Variants in HDLBP observed in about 807,000 individuals in gnomAD.
HDLBP encodes the protein high density lipoprotein binding protein, also known as vigilin.
HDLBP carries 30 observed loss-of-function variants against 137.3 expected under a neutral mutation model. That is an observed-to-expected ratio of 0.22 (90% confidence interval 0.16 to 0.30). The LOEUF (loss-of-function observed/expected upper bound fraction) is 0.30, where lower values mean the gene tolerates loss of function less well. HDLBP is among the 10% of genes least tolerant of loss of function. The probability of loss-of-function intolerance (pLI) is 1.00; values close to 1 mark genes in which losing one functional copy is unlikely to be tolerated. For synonymous variants in HDLBP, 606 were observed against 596.0 expected, an observed-to-expected ratio of 1.02 and a Z score of -0.24; for missense variants, 1,119 against 1,667.3, an observed-to-expected ratio of 0.67 and a Z score of 5.73.
intron 3 of HDLBP, among the ~76,000 whole-genome samples, chr2:241,265,061 C>G (rs1381596190): frequency 6.6e-6 from 1 of 152,232 alleles, no homozygotes; most frequent in Non-Finnish European, 1.5e-5. Flanking sequence ...TACCCAGCAC[C>G]ACCTGTGAGA....
At chr2:241,266,314 A>G (rs923998023) in intron 3 of HDLBP, among the ~76,000 whole-genome samples, 3 of 152,296 alleles carry the variant, frequency 2.0e-5, no homozygotes, top group South Asian at 2.1e-4. Context: ...TTCCCTTTTA[A>G]TAAGTACCAG....
At chr2:241,306,987 AC>A (rs199904674) in intron 1 of HDLBP, among the ~76,000 whole-genome samples, 63,591 of 127,006 alleles carry the variant, frequency 0.5, 16,183 homozygotes, top group East Asian at 0.77. Context: ...AAAAAAAAAA[AC>A]GAGGAAAAGC....
chr2:241,229,367 T>A lies in HDLBP; in HGVS notation c.*234A>T. ...CTGGAGTCTGTTATCTTAGCACGAA[T>A]GCTCATGACCTTGGTTTAGTGTTAA... On this transcript the variant is annotated 3_prime_UTR_variant, in exon 28 of 28. Transcript: ENST00000310931. 1 of 460,192 alleles carries A rather than the reference T, an allele frequency of 2.2e-6. No individual in the cohort carries two copies. Among genetic ancestry groups the A allele is most frequent in the Non-Finnish European group, 4.0e-6 (1 of 250,154 alleles). 28.5% of individuals were successfully genotyped at this position (460,192 alleles called of 1,614,324 possible).
At chr2:241,254,523 C>A (rs550650233) in intron 9 of HDLBP, among the ~76,000 whole-genome samples, 1 of 148,884 alleles carries the variant, frequency 6.7e-6, no homozygotes, top group East Asian at 2.0e-4. Context: ...CTCGCTCTGT[C>A]GCCAAGGCTG....
At position 241,229,400 on chromosome 2, in the gene HDLBP, A is replaced by G. The variant is rs530682380; in HGVS notation, c.*201T>C. The G allele has an allele frequency of 9.4e-6, 5 of 530,718 alleles. No individual in the cohort carries two copies. In the East Asian group the frequency reaches 1.3e-4, roughly 14 times the overall value. 32.9% of individuals were successfully genotyped at this position (530,718 alleles called of 1,614,324 possible). A position where few individuals can be genotyped will look rare whatever the true frequency, so the allele number is the denominator to read the frequency against. On this transcript the variant is annotated 3_prime_UTR_variant, in exon 28 of 28. Coordinates refer to ENST00000310931, the MANE Select transcript of HDLBP (RefSeq NM_005336.6). ...ACCTTGGTTTAGTGTTAAACAGTGG[A>G]GCAGGTCCTGAGCGGGCACGGCCAG...
intron 3 of HDLBP, among the ~76,000 whole-genome samples, chr2:241,265,989 A>G (rs2073642160): frequency 6.6e-6 from 1 of 152,208 alleles, no homozygotes; most frequent in African/African-American, 2.4e-5. Flanking sequence ...TTAATTTTAT[A>G]TTTTAATTAA....
intron 1 of HDLBP, among the ~76,000 whole-genome samples, chr2:241,286,946 CAA>C (rs34791807): frequency 9.4e-5 from 12 of 128,132 alleles, no homozygotes; most frequent in Non-Finnish European, 1.1e-4. Flanking sequence ...ACCCTGTTTC[CAA>C]AAAAAAAAAA....
chr2:241,281,212 G>A (rs903135280), intron 1 of HDLBP, among the ~76,000 whole-genome samples: 2 of 152,164 alleles, frequency 1.3e-5, no homozygotes, highest in Non-Finnish European at 1.5e-5. Flanking sequence ...AAATTACTCG[G>A]GCTTGGGGGT....
chr2:241,232,237 G>A (rs1165745190), intron 24 of HDLBP, among the ~76,000 whole-genome samples: 1 of 151,864 alleles, frequency 6.6e-6, no homozygotes, highest in Non-Finnish European at 1.5e-5. Context: ...CTTGGCTCAT[G>A]GTGTATTAGA....
chr2:241,280,667 A>C (rs551357036), intron 1 of HDLBP, among the ~76,000 whole-genome samples: 1 of 152,220 alleles, frequency 6.6e-6, no homozygotes, highest in South Asian at 2.1e-4. Context: ...TATAAAGAAC[A>C]CCAAACTTGT....
chr2:241,247,270 T>C (rs2071753912), intron 14 of HDLBP, 128 bp from the exon 15 acceptor site: 2 of 669,766 alleles, frequency 3.0e-6, no homozygotes, highest in East Asian at 2.7e-5. Flanking sequence ...CTTCAGAGGT[T>C]TGTCATGAGG....
At chr2:241,277,877 C>G (rs993092697) in intron 1 of HDLBP, among the ~76,000 whole-genome samples, 6 of 152,110 alleles carry the variant, frequency 3.9e-5, no homozygotes, top group Non-Finnish European at 7.4e-5. Flanking sequence ...AGGAGAATCG[C>G]TTGTACCTGG....
chr2:241,264,617 A>G lies in HDLBP; in HGVS notation c.77-12T>C. 1.2e-6 allele frequency: 2 copies of G among 1,612,146 alleles called. No individual in the cohort carries two copies. Among genetic ancestry groups the G allele is most frequent in the Non-Finnish European group, 1.7e-6 (2 of 1,178,860 alleles). ...ATTTAGAGTGGCAACTGGACCAGCC[A>G]ACACAGATTAAAAGGAAGCACTACT... On this transcript the variant is annotated splice_polypyrimidine_tract_variant and intron_variant, in intron 3 of 27. Transcript: ENST00000310931.
At chr2:241,258,216 A>G (rs530372886) in intron 5 of HDLBP, among the ~76,000 whole-genome samples, 139 of 152,090 alleles carry the variant, frequency 9.1e-4, no homozygotes, top group Admixed American at 1.8e-3. Flanking sequence ...GCATGGTGGC[A>G]GGCGCCTGTA....
At chr2:241,298,274 G>A (rs1028591645) in intron 1 of HDLBP, among the ~76,000 whole-genome samples, 1 of 152,026 alleles carries the variant, frequency 6.6e-6, no homozygotes, top group Non-Finnish European at 1.5e-5. Flanking sequence ...ACTGAGGCAG[G>A]AGAATCGCTT....
chr2:241,298,569 T>C (rs933104870), intron 1 of HDLBP, among the ~76,000 whole-genome samples: 4 of 152,164 alleles, frequency 2.6e-5, no homozygotes, highest in African/African-American at 9.7e-5. Context: ...GTTGAGATAG[T>C]TGAGATAACT....
chr2:241,235,122 C>T lies in HDLBP; in HGVS notation c.3143G>A (p.Arg1048Gln), dbSNP rs1242223092. The change falls in exon 23 of 28, where the codon CGG becomes CAG. Residue 1048 changes from arginine (R) to glutamine (Q), a missense_variant and splice_region_variant. Arg to Gln is a conservative substitution (Grantham distance 43). This residue lies in a region of HDLBP where 618 missense variants were observed against 816.7 expected (regional missense o/e 0.76). Transcript: ENST00000310931. ...GTGCCCCGGCCACCTCCTGCTCACC[C>T]GGTCCTCCTGCTCGGCCTGTAGCTC... ...VKELQAEQED[R>Q]ALRSFKLSVT... is the part of the protein sequence containing the mutation. 4.3e-6 allele frequency: 7 copies of T among 1,612,472 alleles called. No homozygotes were observed. Among genetic ancestry groups the T allele is most frequent in the African/African-American group, 1.3e-5 (1 of 74,896 alleles).
intron 1 of HDLBP, among the ~76,000 whole-genome samples, chr2:241,286,503 T>TG (rs974452002): frequency 4.6e-5 from 7 of 152,206 alleles, no homozygotes; most frequent in African/African-American, 4.8e-5. Context: ...CCTCCCCACT[T>TG]GGAGTCTTCC....
rs369323850 is a variant in HDLBP, at chr2:241,229,977, A to G, written c.3592-16T>C. 4 of 1,587,930 alleles carry G rather than the reference A, an allele frequency of 2.5e-6. No individual in the cohort carries two copies. The highest frequency in any genetic ancestry group is 3.4e-6 in the Non-Finnish European group (4 of 1,166,190). ...CGTCAGCTAGCTGCAGGCAGAAGAC[A>G]GGAAGACAGGGTCAGTCTGCCCAGC... On this transcript the variant is annotated splice_polypyrimidine_tract_variant and intron_variant, in intron 26 of 27. Coordinates refer to ENST00000310931, the MANE Select transcript of HDLBP (RefSeq NM_005336.6).
Sources: gnomAD v4.1 joint callset for allele counts (sites outside exome capture counted in the v4.1 genomes callset) on GRCh38, gnomAD v4.1.1 for gene constraint, gnomAD v4.1.1 regional missense constraint, MANE v1.5 for transcripts, NCBI Gene and HGNC (gene_info 2026-07-23, HGNC 2026-07-21) for gene names.